The following KLF12 variants were observed in gnomAD, a reference collection of about 807,000 sequenced individuals.
KLF12 encodes the protein Krueppel-like factor 12.
A neutral mutation model predicts 37.8 loss-of-function variants in KLF12; 9 were observed. The observed-to-expected ratio is 0.24, with a 90% confidence interval of 0.14 to 0.42. The LOEUF is 0.42. Among genes scored for constraint, KLF12 ranks in the 10% least tolerant of loss-of-function variants. The pLI, the probability that KLF12 is intolerant of heterozygous loss-of-function variation, is 1.00. For synonymous variants in KLF12, 208 were observed against 202.1 expected (o/e 1.03, Z -0.25); for missense variants, 411 against 516.0 (o/e 0.80, Z 1.97).
At chr13:74,233,933 A>T in the KLF12 span, among the ~76,000 whole-genome samples, 2 of 152,312 alleles carry the variant, frequency 1.3e-5, no homozygotes, top group Non-Finnish European at 2.9e-5. Context: ...ATTAGCAACA[A>T]CAACAAAATG....
chr13:74,225,887 G>T, the KLF12 span, among the ~76,000 whole-genome samples: 1 of 152,128 alleles, frequency 6.6e-6, no homozygotes, highest in African/African-American at 2.4e-5. Flanking sequence ...AATAGCATAT[G>T]CAATGGTCAG....
At chr13:74,238,525 C>G in the KLF12 span, among the ~76,000 whole-genome samples, 2 of 135,952 alleles carry the variant, frequency 1.5e-5, no homozygotes, top group African/African-American at 3.5e-5. Flanking sequence ...GTACCAGTTC[C>G]TCCTTGTACC....
At chr13:74,072,364 A>AATATATATATATATATATATAT (rs773653636) in intron 1 of KLF12, among the ~76,000 whole-genome samples, 5 of 63,058 alleles carry the variant, frequency 7.9e-5, no homozygotes, top group East Asian at 1.1e-3. Context: ...AAGAAATACA[A>AATATATATATATATATATATAT]ATATATATAT....
intron 6 of KLF12, among the ~76,000 whole-genome samples, chr13:73,757,102 T>A (rs1259403434): frequency 4.6e-5 from 7 of 152,138 alleles, no homozygotes; most frequent in Non-Finnish European, 8.8e-5. Context: ...CACAATCCTA[T>A]GCATGTAACA....
intron 3 of KLF12, among the ~76,000 whole-genome samples, chr13:73,942,885 A>T (rs1461010097): frequency 6.6e-6 from 1 of 152,190 alleles, no homozygotes; most frequent in Non-Finnish European, 1.5e-5. Flanking sequence ...TTATATTGAG[A>T]TGCCACACAG....
At chr13:74,166,127 C>T in the KLF12 span, among the ~76,000 whole-genome samples, 1 of 145,196 alleles carries the variant, frequency 6.9e-6, no homozygotes, top group Non-Finnish European at 1.5e-5. Flanking sequence ...GGCCTCACTC[C>T]CATGGCCCAA....
At chr13:73,792,165 A>C (rs1881722630) in intron 5 of KLF12, among the ~76,000 whole-genome samples, 1 of 152,198 alleles carries the variant, frequency 6.6e-6, no homozygotes, top group African/African-American at 2.4e-5. Context: ...CATCCAACCC[A>C]ACATACCAGT....
chr13:73,869,941 T>C (rs1183233315), intron 3 of KLF12, among the ~76,000 whole-genome samples: 1 of 152,222 alleles, frequency 6.6e-6, no homozygotes, highest in Non-Finnish European at 1.5e-5. Context: ...CCACGCTGAT[T>C]CCTTCTCGAC....
intron 5 of KLF12, among the ~76,000 whole-genome samples, chr13:73,777,902 C>T (rs1402494056): frequency 2.0e-5 from 3 of 151,432 alleles, no homozygotes; most frequent in East Asian, 2.0e-4. Flanking sequence ...GAGGCCGAGG[C>T]GGGCAGATCA....
rs1307748748 is a variant in KLF12 at position 73,690,794 on chromosome 13, T to G, written c.*4696A>C. On this transcript the variant is annotated 3_prime_UTR_variant, in exon 8 of 8. Coordinates refer to ENST00000377669, the MANE Select transcript of KLF12 (RefSeq NM_007249.5). ...AAACTATTTACAACCTCTGTAAAAT[T>G]TGTGAGTTTGAAAATACTTTTTCCA... 6.6e-6 allele frequency: 1 copy of G among 152,646 alleles called. No individual in the cohort carries two copies. Among genetic ancestry groups the G allele is most frequent in the East Asian group, 1.9e-4 (1 of 5,196 alleles). The allele number at this position is 152,646 out of a possible 1,614,324, so 9.5% of individuals were successfully genotyped here.
chr13:74,063,864 T>C (rs1429094659), intron 1 of KLF12, among the ~76,000 whole-genome samples: 2 of 152,224 alleles, frequency 1.3e-5, no homozygotes, highest in South Asian at 2.1e-4. Flanking sequence ...ACTAGAACTT[T>C]CTGATGTTCC....
In KLF12 at chr13:73,721,593, C is replaced by A. The variant is rs1029219730; in HGVS notation, c.870-6068G>T. Among the ~76,000 whole-genome samples, 6 of 152,286 alleles carry A rather than the reference C, an allele frequency of 3.9e-5. No homozygotes were observed. In the South Asian group the frequency reaches 1.2e-3, roughly 32 times the overall value. ...AAAGAGACAAGAACTCATTCTGTTG[C>A]CCAAGCTGCAGTGCAGTGGTAGAAT... On this transcript the variant is annotated intron_variant, in intron 6 of 7. Transcript: ENST00000377669.
chr13:73,834,439 T>C (rs778438356), intron 4 of KLF12, among the ~76,000 whole-genome samples: 18 of 152,246 alleles, frequency 1.2e-4, no homozygotes, highest in Non-Finnish European at 2.5e-4. Flanking sequence ...TAAGTTTTCC[T>C]ACATTCTGTT....
chr13:73,735,288 A>G (rs1026567819), intron 6 of KLF12, among the ~76,000 whole-genome samples: 8 of 152,074 alleles, frequency 5.3e-5, no homozygotes, highest in African/African-American at 1.9e-4. Flanking sequence ...ACAGGGCAAG[A>G]CCCTGTCTCA....
chr13:73,998,717 G>A (rs74709423), intron 1 of KLF12, among the ~76,000 whole-genome samples: 9,173 of 152,232 alleles, frequency 0.06, 436 homozygotes, highest in African/African-American at 0.14. Flanking sequence ...CTTGCTCTGC[G>A]CATCAAGGTT....
chr13:73,765,049 T>C (rs775420696), intron 5 of KLF12, 49 bp from the exon 6 acceptor site: 1 of 1,140,748 alleles, frequency 8.8e-7, no homozygotes. Context: ...ATATTCCCAA[T>C]TGCAAATTTA....
At chr13:73,992,300 T>A (rs1015648622) in intron 2 of KLF12, among the ~76,000 whole-genome samples, 6 of 152,236 alleles carry the variant, frequency 3.9e-5, no homozygotes, top group African/African-American at 1.4e-4. Flanking sequence ...ATGCTGGTAT[T>A]TGTGAGCAGG....
At chr13:73,793,121 G>A (rs906016983) in intron 5 of KLF12, among the ~76,000 whole-genome samples, 5 of 152,142 alleles carry the variant, frequency 3.3e-5, no homozygotes, top group Admixed American at 2.0e-4. Flanking sequence ...AGCGATAACA[G>A]GAAGCTGCAG....
chr13:74,190,035 AG>A, the KLF12 span, among the ~76,000 whole-genome samples: 167 of 152,318 alleles, frequency 1.1e-3, 1 homozygote, highest in African/African-American at 3.7e-3. Context: ...GCTATTGCAA[AG>A]ATTACTGCAA....
Sources: allele counts gnomAD v4.1 joint callset (sites outside exome capture counted in the v4.1 genomes callset), GRCh38; gene constraint gnomAD v4.1.1; transcripts MANE v1.5; gene names NCBI Gene and HGNC (gene_info 2026-07-23, HGNC 2026-07-21).